PHF8: variants seen among roughly 807,000 people sequenced by gnomAD.
PHF8 encodes PHD finger protein 8.
In PHF8, 9 loss-of-function variants were observed where a neutral mutation model predicts 74.4. The ratio of observed to expected loss-of-function variants is 0.12; its 90% confidence interval spans 0.07 to 0.21. The LOEUF is 0.21. PHF8 is among the 10% of genes least tolerant of loss of function. PHF8 has a pLI of 1.00. For synonymous variants in PHF8, 311 were observed against 316.6 expected (o/e 0.98, Z 0.19); for missense variants, 478 against 816.6 (o/e 0.59, Z 5.05).
chrX:54,014,597 T>G, intron 6 of PHF8, 34 bp from the exon 7 acceptor site: 2 of 1,042,932 alleles, frequency 1.9e-6, no homozygotes, highest in Non-Finnish European at 2.7e-6. Flanking sequence ...AGATGTCAGC[T>G]GATTAGGAAG....
At chrX:54,001,214 T>C (rs969049430) in intron 10 of PHF8, among the ~76,000 whole-genome samples, 2 of 111,135 alleles carry the variant, frequency 1.8e-5, no homozygotes, top group Admixed American at 1.9e-4. Context: ...TAGTCCCAGC[T>C]ACTCTGGAGG....
chrX:53,975,372 A>G lies in PHF8; in HGVS notation c.2443+9542T>C, dbSNP rs377635557. Among the ~76,000 whole-genome samples the G allele has an allele frequency of 3.6e-5, 4 of 112,501 alleles. No individual in the cohort carries two copies. In the East Asian group the frequency reaches 8.4e-4, roughly 24 times the overall value. ...TGATCCAGCAATTTGACTGCTGGGC[A>G]TATCCAAAAGGAAAGACATCAGTAT... On this transcript the variant is annotated intron_variant, in intron 18 of 21. Transcript: ENST00000338154.
intron 2 of PHF8, among the ~76,000 whole-genome samples, chrX:54,033,651 T>C (rs2066399667): frequency 9.0e-6 from 1 of 110,706 alleles, no homozygotes; most frequent in Admixed American, 9.6e-5. Flanking sequence ...GAGGCAGAGG[T>C]TGCAGTGAGC....
chrX:53,989,944 T>TA (rs2065632933), intron 14 of PHF8, among the ~76,000 whole-genome samples: 1 of 111,715 alleles, frequency 9.0e-6, no homozygotes, highest in Admixed American at 9.6e-5. Context: ...TTAAATAAAA[T>TA]AGTGTATATA....
At chrX:54,011,043 A>AT (rs2065975361) in intron 8 of PHF8, 79 bp downstream of exon 8, 1 of 886,158 alleles carries the variant, frequency 1.1e-6, no homozygotes, top group Non-Finnish European at 1.7e-6. Context: ...ACGTAATCAG[A>AT]TTAATATGCT....
rs145289749 is a variant in PHF8 at position 53,985,167 on chromosome X, G to A, written c.2190C>T (p.Asn730=). 1 of 1,206,050 alleles carries A rather than the reference G, an allele frequency of 8.3e-7. No individual in the cohort carries two copies. Among genetic ancestry groups the A allele is most frequent in the Non-Finnish European group, 1.1e-6 (1 of 892,176 alleles). ...CCGGTGAGGACGATGAGGACTGCAG[G>A]TTGGCCATGCACAGCATGCCCTGGA... ...EAIQGMLCMA[N]LQSSSSSPAT... Residue 730 remains asparagine (N), a synonymous_variant, in exon 18 of 22, where the codon AAC becomes AAT. Coordinates refer to ENST00000338154, the MANE Select transcript of PHF8 (RefSeq NM_015107.3).
intron 12 of PHF8, 142 bp from the exon 13 acceptor site, chrX:53,994,045 T>A (rs907337729): frequency 6.4e-6 from 3 of 468,956 alleles, no homozygotes; most frequent in Non-Finnish European, 1.1e-5. Flanking sequence ...CCCTAGCTTT[T>A]ACATAATGAG....
At chrX:53,974,868 T>C (rs1243498593) in intron 18 of PHF8, among the ~76,000 whole-genome samples, 1 of 111,583 alleles carries the variant, frequency 9.0e-6, no homozygotes, top group African/African-American at 3.3e-5. Flanking sequence ...CGAGAACACA[T>C]GGACACATGG....
intron 11 of PHF8, among the ~76,000 whole-genome samples, chrX:53,998,967 A>C (rs1450963230): frequency 7.1e-5 from 8 of 112,252 alleles, no homozygotes; most frequent in African/African-American, 2.6e-4. Flanking sequence ...CCCTCAAAGA[A>C]ATAAAAAGGA....
chrX:53,953,014 C>T (rs1432931374), intron 19 of PHF8, among the ~76,000 whole-genome samples: 2 of 110,357 alleles, frequency 1.8e-5, no homozygotes, highest in African/African-American at 6.6e-5. Context: ...GTGGCTCGCG[C>T]CTGTAATCTC....
chrX:53,981,216 A>G (rs2065474797), intron 18 of PHF8, among the ~76,000 whole-genome samples: 1 of 112,242 alleles, frequency 8.9e-6, no homozygotes, highest in Non-Finnish European at 1.9e-5. Flanking sequence ...TCGGTCTCAA[A>G]ACAAACAAAC....
chrX:54,021,629 C>T (rs993356369), intron 4 of PHF8, among the ~76,000 whole-genome samples: 6 of 107,448 alleles, frequency 5.6e-5, no homozygotes, highest in Admixed American at 2.0e-4. Context: ...CCACTACGCC[C>T]GGCCAATTTT....
chrX:54,002,113 G>C (rs782321380), intron 10 of PHF8, 42 bp downstream of exon 10: 1 of 717,464 alleles, frequency 1.4e-6, no homozygotes, highest in East Asian at 3.2e-5. Flanking sequence ...CATTCACTCA[G>C]GGGAGAGGGG....
Position 53,941,475 on chromosome X carries a change from C to A in PHF8, c.2650-959G>T, listed in dbSNP as rs782245617. On this transcript the variant is annotated intron_variant, in intron 20 of 21. Transcript: ENST00000338154. ...CAATACCTTGTATTTCAACCATCCA[C>A]TGCCCTATGGATCTACTATCCACTG... Among the ~76,000 whole-genome samples the A allele has an allele frequency of 2.7e-5, 3 of 112,016 alleles. No homozygotes were observed. In the East Asian group the frequency reaches 8.4e-4, roughly 32 times the overall value.
At chrX:54,043,718 A>G in intron 1 of PHF8, 44 bp downstream of exon 1, 2 of 465,390 alleles carry the variant, frequency 4.3e-6, no homozygotes, top group Non-Finnish European at 2.7e-6. Flanking sequence ...CTCACAGTAT[A>G]TCCTAAAACT....
chrX:54,030,250 G>A (rs993124439), intron 2 of PHF8, among the ~76,000 whole-genome samples: 12 of 111,224 alleles, frequency 1.1e-4, no homozygotes, highest in African/African-American at 3.9e-4. Context: ...AAACATCAAC[G>A]TGCTAGACAA....
chrX:53,939,388 G>A, intron 21 of PHF8, 142 bp from the exon 22 acceptor site: 1 of 469,922 alleles, frequency 2.1e-6, no homozygotes, highest in Non-Finnish European at 3.6e-6. Context: ...TGGGCAGGAA[G>A]CCCTCCTTAA....
chrX:53,949,683 G>A (rs1330001569), intron 19 of PHF8, among the ~76,000 whole-genome samples: 4 of 107,722 alleles, frequency 3.7e-5, no homozygotes, highest in African/African-American at 1.4e-4. Flanking sequence ...GTGGTGACAG[G>A]CGCCTGTAGT....
At chrX:53,951,703 C>T (rs1033514257) in intron 19 of PHF8, among the ~76,000 whole-genome samples, 1 of 110,239 alleles carries the variant, frequency 9.1e-6, no homozygotes, top group African/African-American at 3.3e-5. Flanking sequence ...CCGCCCGCCT[C>T]GGCCTCCCAA....
Sources: gnomAD v4.1 joint callset for allele counts (sites outside exome capture counted in the v4.1 genomes callset) on GRCh38, gnomAD v4.1.1 for gene constraint, MANE v1.5 for transcripts, NCBI Gene and HGNC (gene_info 2026-07-23, HGNC 2026-07-21) for gene names.